Variants in DCDC2 observed in about 807,000 individuals in gnomAD.
DCDC2 encodes the protein doublecortin domain containing 2.
In DCDC2, 40 loss-of-function variants were observed where a neutral mutation model predicts 50.2. That is an observed-to-expected ratio of 0.80 (90% CI 0.62 to 1.04). The LOEUF is 1.04. DCDC2 is among the 50% of genes least tolerant of loss of function. The probability of loss-of-function intolerance (pLI) is 0.00; values close to 1 mark genes in which losing one functional copy is unlikely to be tolerated. For synonymous variants in DCDC2, 234 were observed against 210.6 expected, an observed-to-expected ratio of 1.11 and a Z score of -0.96; for missense variants, 570 against 581.9, an observed-to-expected ratio of 0.98 and a Z score of 0.21.
chr6:24,355,123 CAAATA>C (rs1760442244), intron 1 of DCDC2, among the ~76,000 whole-genome samples: 1 of 152,122 alleles, frequency 6.6e-6, no homozygotes, highest in Non-Finnish European at 1.5e-5. Context: ...TTCTTTAACA[CAAATA>C]AAATAGTCAT....
intron 7 of DCDC2, among the ~76,000 whole-genome samples, chr6:24,225,113 T>C (rs904727736): frequency 1.3e-5 from 2 of 152,100 alleles, no homozygotes; most frequent in Non-Finnish European, 1.5e-5. Flanking sequence ...CTCCTCCAAT[T>C]TGGGGGTCCC....
intron 7 of DCDC2, among the ~76,000 whole-genome samples, chr6:24,244,457 C>T (rs756029810): frequency 2.6e-5 from 4 of 152,200 alleles, no homozygotes; most frequent in Non-Finnish European, 5.9e-5. Flanking sequence ...AAGGGAAGCT[C>T]ACACAGCTGC....
intron 8 of DCDC2, among the ~76,000 whole-genome samples, chr6:24,188,783 TTCATTATACTC>T (rs1554143325): frequency 6.6e-6 from 1 of 152,104 alleles, no homozygotes; most frequent in Non-Finnish European, 1.5e-5. Context: ...AAAAAGGGTA[TTCATTATACTC>T]TATCTTAAAT....
At chr6:24,212,663 C>T (rs1412680264) in intron 7 of DCDC2, among the ~76,000 whole-genome samples, 1 of 152,208 alleles carries the variant, frequency 6.6e-6, no homozygotes, top group Non-Finnish European at 1.5e-5. Flanking sequence ...AAATTCAATG[C>T]TTGAATGCAC....
At chr6:24,259,514 C>G (rs1419126384) in intron 7 of DCDC2, among the ~76,000 whole-genome samples, 1 of 152,004 alleles carries the variant, frequency 6.6e-6, no homozygotes, top group African/African-American at 2.4e-5. Context: ...AAAAAGAAAA[C>G]AAAAACAGCA....
chr6:24,324,561 T>C (rs1214670760), intron 2 of DCDC2, among the ~76,000 whole-genome samples: 3 of 152,138 alleles, frequency 2.0e-5, no homozygotes, highest in African/African-American at 7.2e-5. Context: ...CCCTGGATTG[T>C]TTGGGTGAGG....
At chr6:24,272,667 TCAGCTTACAC>T (rs1763261934) in intron 7 of DCDC2, among the ~76,000 whole-genome samples, 1 of 152,110 alleles carries the variant, frequency 6.6e-6, no homozygotes, top group East Asian at 1.9e-4. Flanking sequence ...CAGTGAGATA[TCAGCTTACAC>T]CAGTCAGAAT....
intron 2 of DCDC2, among the ~76,000 whole-genome samples, chr6:24,328,414 A>G (rs2127237438): frequency 6.6e-6 from 1 of 152,376 alleles, no homozygotes; most frequent in Middle Eastern, 3.4e-3. Flanking sequence ...AATTGAGGCC[A>G]TAACTTGTAT....
intron 7 of DCDC2, among the ~76,000 whole-genome samples, chr6:24,241,449 T>G (rs1321873129): frequency 6.6e-6 from 1 of 152,220 alleles, no homozygotes; most frequent in Non-Finnish European, 1.5e-5. Flanking sequence ...TTCCTAGTAT[T>G]GTTACAGGAA....
chr6:24,230,182 G>A (rs1380044172), intron 7 of DCDC2, among the ~76,000 whole-genome samples: 1 of 152,184 alleles, frequency 6.6e-6, no homozygotes, highest in Non-Finnish European at 1.5e-5. Flanking sequence ...ATGCAGAAGT[G>A]AACAAAACAA....
intron 2 of DCDC2, among the ~76,000 whole-genome samples, chr6:24,318,496 A>G (rs569199100): frequency 1.0e-3 from 159 of 152,210 alleles, no homozygotes; most frequent in African/African-American, 3.4e-3. Flanking sequence ...TAGTGTATCC[A>G]TCACTGGAAT....
the DCDC2 span, among the ~76,000 whole-genome samples, chr6:24,376,978 G>A: frequency 6.6e-6 from 1 of 152,104 alleles, no homozygotes; most frequent in Non-Finnish European, 1.5e-5. Flanking sequence ...AAAGCCACTT[G>A]TAAACTACAA....
chr6:24,379,211 C>T, the DCDC2 span, among the ~76,000 whole-genome samples: 1 of 152,090 alleles, frequency 6.6e-6, no homozygotes, highest in East Asian at 1.9e-4. Context: ...AACTAAAAAG[C>T]TTCTGCACAG....
chr6:24,276,107 C>T lies in DCDC2; in HGVS notation c.922+1942G>A, dbSNP rs937121752. Among the ~76,000 whole-genome samples, 17 of 151,788 alleles carry T rather than the reference C, an allele frequency of 1.1e-4. 1 individual carries two copies. The East Asian group carries it at 2.7e-3, about 24-fold the overall frequency. On this transcript the variant is annotated intron_variant, in intron 7 of 9. Coordinates refer to ENST00000378454, the MANE Select transcript of DCDC2 (RefSeq NM_016356.5). ...AGGCTGGTCTCAAACTCAAGCAATC[C>T]GACTACCCACCTTGGCCTCTCAAAG... is the stretch of plus-strand genomic sequence containing the variant.
chr6:24,178,526 C>A lies in DCDC2; in HGVS notation c.1130G>T (p.Gly377Val). The change falls in exon 9 of 10, where the codon GGA becomes GTA. Residue 377 changes from glycine (G) to valine (V), a missense_variant. Physicochemically the swap from Gly to Val is moderately radical, Grantham distance 109. Coordinates refer to ENST00000378454, the MANE Select transcript of DCDC2 (RefSeq NM_016356.5). ...AGGGGCATCTGTAGCCTCCCTACCTCCTTCCTCTTCAAGGTCACCATTCAT... is the reference window on the plus strand; with the variant it reads ...AGGGGCATCTGTAGCCTCCCTACCTACTTCCTCTTCAAGGTCACCATTCAT... The part of the protein sequence containing the change: ...SGMNGDLEEE[G>V]GREATDAPEQ... 1 of 1,614,196 alleles carries A rather than the reference C, an allele frequency of 6.2e-7. No homozygotes were observed. The highest frequency in any genetic ancestry group is 2.2e-5 in the East Asian group (1 of 44,878).
At position 24,306,539 on chromosome 6, in the gene DCDC2, T is replaced by TAGACAGACAGAC. The variant is rs1276949309; in HGVS notation, c.349-4496_349-4495insGTCTGTCTGTCT. On this transcript the variant is annotated intron_variant, in intron 2 of 9. Coordinates refer to ENST00000378454, the MANE Select transcript of DCDC2 (RefSeq NM_016356.5). ...ATAGATAGATAGATAGATAGATAGA[T>TAGACAGACAGAC]AGATAGACAGACAGACAGACAGACA... is the stretch of plus-strand genomic sequence containing the variant. Among the ~76,000 whole-genome samples the TAGACAGACAGAC allele has an allele frequency of 6.1e-3, 660 of 108,426 alleles. 4 individuals are homozygous for TAGACAGACAGAC. Among genetic ancestry groups the TAGACAGACAGAC allele is most frequent in the African/African-American group, 0.013 (389 of 30,172 alleles). 71.1% of individuals were successfully genotyped at this position (108,426 alleles called of 152,430 possible).
the DCDC2 span, among the ~76,000 whole-genome samples, chr6:24,373,613 C>T: frequency 6.6e-6 from 1 of 152,082 alleles, no homozygotes; most frequent in Non-Finnish European, 1.5e-5. Flanking sequence ...GGTGACCCAT[C>T]GGGATGTAGA....
At chr6:24,292,795 C>A (rs1581635983) in intron 4 of DCDC2, among the ~76,000 whole-genome samples, 1 of 152,200 alleles carries the variant, frequency 6.6e-6, no homozygotes, top group Non-Finnish European at 1.5e-5. Flanking sequence ...CTGCCCTGTA[C>A]ATTGTAAGAT....
In DCDC2 at chr6:24,315,238, C is replaced by T. The variant is rs537274438; in HGVS notation, c.349-13194G>A. Among the ~76,000 whole-genome samples, 68 of 151,386 alleles carry T rather than the reference C, an allele frequency of 4.5e-4. No homozygotes were observed. In the South Asian group the frequency reaches 0.014, roughly 30 times the overall value. On this transcript the variant is annotated intron_variant, in intron 2 of 9. Transcript: ENST00000378454. Reference sequence around the variant, plus strand: ...CAGATAATGCATGTTTCTGTAGCTCCTTAGCGAAGCACTTACACCTTAAGG... The same window carrying T: ...CAGATAATGCATGTTTCTGTAGCTCTTTAGCGAAGCACTTACACCTTAAGG...
Sources: allele counts gnomAD v4.1 joint callset (sites outside exome capture counted in the v4.1 genomes callset), GRCh38; gene constraint gnomAD v4.1.1; transcripts MANE v1.5; gene names NCBI Gene and HGNC (gene_info 2026-07-23, HGNC 2026-07-21).